Variants in NECTIN3 observed in about 807,000 individuals in gnomAD.
The protein encoded by NECTIN3 is nectin-3.
A neutral mutation model predicts 49.4 loss-of-function variants in NECTIN3; 8 were observed. The observed-to-expected ratio is 0.16, with a 90% CI of 0.10 to 0.29. The LOEUF (loss-of-function observed/expected upper bound fraction) is 0.29, where lower values mean the gene tolerates loss of function less well. Among genes scored for constraint, NECTIN3 ranks in the 10% least tolerant of loss-of-function variants. The probability of loss-of-function intolerance (pLI) is 1.00; values close to 1 mark genes in which losing one functional copy is unlikely to be tolerated. For synonymous variants in NECTIN3, 277 were observed against 241.1 expected, an observed-to-expected ratio of 1.15 and a Z score of -1.38; for missense variants, 581 against 654.6, an observed-to-expected ratio of 0.89 and a Z score of 1.23.
intron 1 of NECTIN3, among the ~76,000 whole-genome samples, chr3:111,100,905 A>G (rs1195820266): frequency 6.6e-6 from 1 of 152,028 alleles, no homozygotes; most frequent in Non-Finnish European, 1.5e-5. Flanking sequence ...TGTAATTTGA[A>G]AATCATTGAG....
intron 3 of NECTIN3, 23 bp downstream of exon 3, chr3:111,118,975 TTTTTA>T: frequency 6.5e-7 from 1 of 1,527,302 alleles, no homozygotes; most frequent in Non-Finnish European, 8.9e-7. Context: ...TAACATTTAC[TTTTTA>T]AATATTTGTC....
intron 5 of NECTIN3, among the ~76,000 whole-genome samples, chr3:111,129,603 T>C (rs185759397): frequency 6.2e-4 from 95 of 152,224 alleles, no homozygotes; most frequent in African/African-American, 2.2e-3. Context: ...TGAGTAAATA[T>C]GAACAAAATC....
chr3:111,075,347 T>C (rs61035297), intron 1 of NECTIN3: 7,004 of 152,176 alleles, frequency 0.046, 543 homozygotes, highest in African/African-American at 0.16. Context: ...TTCCCTCCCT[T>C]CCTCTCTTTC....
rs1336340669 is a variant in NECTIN3 at position 111,137,066 on chromosome 3, A to G, written c.*2851A>G. The G allele has an allele frequency of 1.0e-6, 1 of 982,838 alleles. No individual in the cohort carries two copies. The highest frequency in any genetic ancestry group is 1.8e-5 in the African/African-American group (1 of 57,106). The allele number at this position is 982,838 out of a possible 1,614,324, so 60.9% of individuals were successfully genotyped here. A position where few individuals can be genotyped will look rare whatever the true frequency, so the allele number is the denominator to read the frequency against. Reference sequence around the variant, plus strand: ...TTTATAAGATAACCCACGGCTAAATATTTTGCATTAAGGAGCTGTAGGAGT... The same window carrying G: ...TTTATAAGATAACCCACGGCTAAATGTTTTGCATTAAGGAGCTGTAGGAGT... On this transcript the variant is annotated 3_prime_UTR_variant, in exon 6 of 6. Coordinates refer to ENST00000485303, the MANE Select transcript of NECTIN3 (RefSeq NM_015480.3).
rs1378129181 is a variant in NECTIN3, at chr3:111,135,334, T to C, written c.*1119T>C. On this transcript the variant is annotated 3_prime_UTR_variant, in exon 6 of 6. Coordinates refer to ENST00000485303, the MANE Select transcript of NECTIN3 (RefSeq NM_015480.3). ...CATCTCCTTTTTCCTCCTAAGTGTA[T>C]GTATGTGTTTTAAGATTTCTGTTTT... 4.2e-6 allele frequency: 4 copies of C among 944,540 alleles called. No homozygotes were observed. The highest frequency in any genetic ancestry group is 1.8e-5 in the African/African-American group (1 of 56,156). 58.5% of individuals were successfully genotyped at this position (944,540 alleles called of 1,614,324 possible).
chr3:111,115,644 T>G (rs546136540), intron 2 of NECTIN3, among the ~76,000 whole-genome samples: 1 of 152,352 alleles, frequency 6.6e-6, no homozygotes, highest in African/African-American at 2.4e-5. Context: ...ACGGCTGACC[T>G]GATTTAGAGA....
intron 1 of NECTIN3, among the ~76,000 whole-genome samples, chr3:111,105,205 C>T (rs1043402794): frequency 6.6e-6 from 1 of 150,744 alleles, no homozygotes; most frequent in Non-Finnish European, 1.5e-5. Flanking sequence ...TGCAGTGGCA[C>T]GATCTTGGCT....
chr3:111,119,003 A>C (rs747897287), intron 3 of NECTIN3, 51 bp downstream of exon 3: 2 of 1,440,286 alleles, frequency 1.4e-6, no homozygotes, highest in South Asian at 2.7e-5. Flanking sequence ...CATGTTTATC[A>C]AACTATTTTT....
At chr3:111,094,953 G>GT (rs1390807796) in intron 1 of NECTIN3, among the ~76,000 whole-genome samples, 1 of 152,172 alleles carries the variant, frequency 6.6e-6, no homozygotes, top group Non-Finnish European at 1.5e-5. Context: ...TTTGCAGGAA[G>GT]TCTTTTTTTT....
chr3:111,074,989 A>T (rs933001485), intron 1 of NECTIN3: 1 of 151,828 alleles, frequency 6.6e-6, no homozygotes, highest in Non-Finnish European at 1.5e-5. Context: ...GCCTCTTTCC[A>T]TTTTCAGCAA....
intron 1 of NECTIN3, among the ~76,000 whole-genome samples, chr3:111,082,115 ATAT>A (rs2107366207): frequency 6.6e-6 from 1 of 152,310 alleles, no homozygotes; most frequent in Admixed American, 6.5e-5. Context: ...TGGTGTTTGG[ATAT>A]CATTGTGGGT....
chr3:111,115,934 T>C (rs1395728623), intron 2 of NECTIN3, among the ~76,000 whole-genome samples: 2 of 40,210 alleles, frequency 5.0e-5, no homozygotes, highest in Non-Finnish European at 2.2e-4. Context: ...TGGGCACATC[T>C]GAATAAAAAC....
intron 5 of NECTIN3, among the ~76,000 whole-genome samples, chr3:111,127,251 G>C (rs1047949834): frequency 1.3e-5 from 2 of 152,104 alleles, no homozygotes; most frequent in Non-Finnish European, 2.9e-5. Flanking sequence ...TTTTGTGCTT[G>C]CTTAAGTGTT....
chr3:111,132,045 A>G lies in NECTIN3; in HGVS notation c.1070-1590A>G, dbSNP rs562234673. On this transcript the variant is annotated intron_variant, in intron 5 of 5. Transcript: ENST00000485303. Reference sequence around the variant, plus strand: ...AATCGTCTTATTTAATTTTTAGTCTATATTTTTAATGTTCTAATGCTGTGA... The same window carrying G: ...AATCGTCTTATTTAATTTTTAGTCTGTATTTTTAATGTTCTAATGCTGTGA... Among the ~76,000 whole-genome samples, 5 of 151,976 alleles carry G rather than the reference A, an allele frequency of 3.3e-5. No homozygotes were observed. In the South Asian group the frequency reaches 6.2e-4, roughly 19 times the overall value.
intron 7 of NECTIN3, among the ~76,000 whole-genome samples, chr3:111,170,771 C>T (rs560424482): frequency 1.3e-5 from 2 of 152,136 alleles, no homozygotes; most frequent in African/African-American, 4.8e-5. Flanking sequence ...CTGGGATGAT[C>T]ATATATTGAG....
chr3:111,185,851 G>A (rs2107535351), intron 7 of NECTIN3, among the ~76,000 whole-genome samples: 1 of 152,256 alleles, frequency 6.6e-6, no homozygotes, highest in South Asian at 2.1e-4. Flanking sequence ...GTCAACAGTG[G>A]AATTGGGAGA....
chr3:111,147,374 A>G, intron 6 of NECTIN3: 1 of 1,423,770 alleles, frequency 7.0e-7, no homozygotes, highest in Non-Finnish European at 9.4e-7. Context: ...TAAATGTGAC[A>G]ATCACATATT....
At chr3:111,147,284 A>G in intron 6 of NECTIN3, 1 of 705,404 alleles carries the variant, frequency 1.4e-6, no homozygotes, top group African/African-American at 1.8e-5. Flanking sequence ...GGCTAGAGTA[A>G]ATATTATCTA....
At chr3:111,079,896 G>C (rs2031484139) in intron 1 of NECTIN3, among the ~76,000 whole-genome samples, 2 of 151,912 alleles carry the variant, frequency 1.3e-5, no homozygotes, top group Admixed American at 1.3e-4. Flanking sequence ...CAGTTTTTCT[G>C]CCTAGTTCAT....
Sources: gnomAD v4.1 joint callset for allele counts (sites outside exome capture counted in the v4.1 genomes callset) on GRCh38, gnomAD v4.1.1 for gene constraint, MANE v1.5 for transcripts, NCBI Gene and HGNC (gene_info 2026-07-23, HGNC 2026-07-21) for gene names.